The following CTNNA3 variants were observed in gnomAD, a reference collection of about 807,000 sequenced individuals.
CTNNA3 encodes catenin alpha-3.
In CTNNA3, 76 loss-of-function variants were observed where a neutral mutation model predicts 95.7. The ratio of observed to expected loss-of-function variants is 0.79; its 90% CI spans 0.66 to 0.96. The LOEUF (loss-of-function observed/expected upper bound fraction) is 0.96. CTNNA3 is among the 40% of genes least tolerant of loss of function. The pLI, the probability that CTNNA3 is intolerant of heterozygous loss-of-function variation, is 0.00. For missense variants in CTNNA3, 1,191 were observed against 1,089.8 expected (o/e 1.09, Z -1.31); for synonymous variants, 431 against 374.4 (o/e 1.15, Z -1.74).
intron 9 of CTNNA3, among the ~76,000 whole-genome samples, chr10:66,682,535 C>T (rs1212947006): frequency 2.0e-5 from 3 of 151,336 alleles, no homozygotes; most frequent in Non-Finnish European, 1.5e-5. Flanking sequence ...ACACAAACAA[C>T]AAATCAAATT....
chr10:67,051,356 C>T (rs193256535), intron 7 of CTNNA3, among the ~76,000 whole-genome samples: 19 of 152,308 alleles, frequency 1.2e-4, no homozygotes, highest in African/African-American at 4.6e-4. Context: ...TTAGTAGCCA[C>T]CAAAAGATAT....
At chr10:67,637,750 T>C (rs964332632) in intron 2 of CTNNA3, among the ~76,000 whole-genome samples, 33 of 152,196 alleles carry the variant, frequency 2.2e-4, no homozygotes, top group South Asian at 4.1e-4. Context: ...CAGAATTTCA[T>C]ATCCAGCCAA....
chr10:65,990,482 G>A (rs987108942), intron 15 of CTNNA3, among the ~76,000 whole-genome samples: 1 of 150,588 alleles, frequency 6.6e-6, no homozygotes, highest in Non-Finnish European at 1.5e-5. Flanking sequence ...AAGCTAATTA[G>A]TGATGTTGAG....
At chr10:67,064,618 TA>T (rs911826424) in intron 7 of CTNNA3, among the ~76,000 whole-genome samples, 13 of 152,126 alleles carry the variant, frequency 8.5e-5, no homozygotes, top group Admixed American at 8.5e-4. Flanking sequence ...TCCATGTCAA[TA>T]AGGTTATTCA....
At chr10:66,992,714 C>T (rs1851109708) in intron 7 of CTNNA3, among the ~76,000 whole-genome samples, 1 of 152,034 alleles carries the variant, frequency 6.6e-6, no homozygotes, top group African/African-American at 2.4e-5. Context: ...TTTAATCAAT[C>T]TGTTGTTTGT....
At chr10:66,126,272 CAGTT>C (rs1323424509) in intron 13 of CTNNA3, among the ~76,000 whole-genome samples, 5 of 152,110 alleles carry the variant, frequency 3.3e-5, no homozygotes, top group African/African-American at 9.7e-5. Flanking sequence ...TGAAATTAAA[CAGTT>C]AGGTAAACAA....
rs1356214441 is a variant in CTNNA3, at chr10:66,577,521, T to A, written c.1374+44171A>T. On this transcript the variant is annotated intron_variant, in intron 10 of 17. Coordinates refer to ENST00000433211, the MANE Select transcript of CTNNA3 (RefSeq NM_013266.4). ...TTGGGTATATGGTGAAAGGAAGGGG[T>A]TCAGTTTCAATCTTTTGCATATGGC... 1.1e-4 allele frequency among the ~76,000 whole-genome samples: 16 copies of A among 152,082 alleles called. No homozygotes were observed. In the East Asian group the frequency reaches 2.9e-3, roughly 28 times the overall value.
chr10:66,930,372 G>A (rs918598093), intron 7 of CTNNA3, among the ~76,000 whole-genome samples: 5 of 152,152 alleles, frequency 3.3e-5, no homozygotes, highest in South Asian at 2.1e-4. Context: ...CTTACTGGAT[G>A]ACTGAGCTTA....
intron 11 of CTNNA3, among the ~76,000 whole-genome samples, chr10:66,431,836 A>G (rs2093299073): frequency 6.6e-6 from 1 of 151,916 alleles, no homozygotes; most frequent in African/African-American, 2.4e-5. Context: ...AACATGGCAC[A>G]TGTATACATA....
At chr10:66,458,921 A>G (rs982996857) in intron 11 of CTNNA3, among the ~76,000 whole-genome samples, 4 of 152,150 alleles carry the variant, frequency 2.6e-5, no homozygotes, top group Middle Eastern at 3.4e-3. Flanking sequence ...CCTGGCTTTC[A>G]ATTATTTTGC....
intron 1 of CTNNA3, among the ~76,000 whole-genome samples, chr10:67,720,227 G>C (rs528575717): frequency 3.4e-5 from 5 of 146,790 alleles, no homozygotes; most frequent in African/African-American, 1.3e-4. Flanking sequence ...CGTGAAATGG[G>C]TCTCCTGAAT....
chr10:66,504,859 G>T (rs17179489), intron 11 of CTNNA3, among the ~76,000 whole-genome samples: 23,159 of 152,058 alleles, frequency 0.15, 1,842 homozygotes, highest in Middle Eastern at 0.17. Context: ...CACTCACTGA[G>T]ACAATTCTAA....
At chr10:67,726,498 T>A (rs1454823750) in intron 1 of CTNNA3, among the ~76,000 whole-genome samples, 1 of 69,032 alleles carries the variant, frequency 1.4e-5, no homozygotes, top group Non-Finnish European at 2.4e-5. Context: ...ATATACAATA[T>A]ATAATATATT....
chr10:66,639,642 C>T (rs1458031541), intron 9 of CTNNA3, among the ~76,000 whole-genome samples: 1 of 151,796 alleles, frequency 6.6e-6, no homozygotes, highest in Non-Finnish European at 1.5e-5. Flanking sequence ...TAACTCTCCA[C>T]TCTTTCATAT....
At chr10:67,277,041 G>A (rs1839203724) in intron 5 of CTNNA3, among the ~76,000 whole-genome samples, 1 of 151,990 alleles carries the variant, frequency 6.6e-6, no homozygotes, top group Non-Finnish European at 1.5e-5. Context: ...AAGTTTATAG[G>A]CATCCCAGGT....
At chr10:65,965,767 C>T (rs10996798) in intron 17 of CTNNA3, among the ~76,000 whole-genome samples, 7,158 of 151,936 alleles carry the variant, frequency 0.047, 231 homozygotes, top group Middle Eastern at 0.092. Context: ...AACATTAACT[C>T]ATTGAGGGAC....
At chr10:66,139,114 A>C (rs922190039) in intron 13 of CTNNA3, among the ~76,000 whole-genome samples, 1 of 152,144 alleles carries the variant, frequency 6.6e-6, no homozygotes, top group Admixed American at 6.5e-5. Context: ...TTAGCAATGA[A>C]ATCTTTTACA....
chr10:66,293,836 T>A (rs2091731476), intron 12 of CTNNA3, among the ~76,000 whole-genome samples: 1 of 151,974 alleles, frequency 6.6e-6, no homozygotes, highest in Admixed American at 6.6e-5. Flanking sequence ...CGGCTAATTT[T>A]TTGTGTTTTT....
At chr10:66,620,679 A>G (rs1327772832) in intron 10 of CTNNA3, among the ~76,000 whole-genome samples, 1 of 152,100 alleles carries the variant, frequency 6.6e-6, no homozygotes, top group Non-Finnish European at 1.5e-5. Flanking sequence ...CAGTTGGGAG[A>G]TCTCAGCTGC....
Sources: allele counts gnomAD v4.1 joint callset (sites outside exome capture counted in the v4.1 genomes callset), GRCh38; gene constraint gnomAD v4.1.1; transcripts MANE v1.5; gene names NCBI Gene and HGNC (gene_info 2026-07-23, HGNC 2026-07-21).